The following ICA1L variants were observed in gnomAD, a reference collection of about 807,000 sequenced individuals.
The protein encoded by ICA1L is islet cell autoantigen 1-like protein.
In ICA1L, 50 loss-of-function variants were observed where a neutral mutation model predicts 61.3. That is an observed-to-expected ratio of 0.82 (90% CI 0.65 to 1.03). The LOEUF (loss-of-function observed/expected upper bound fraction) is 1.03. ICA1L is among the 50% of genes least tolerant of loss of function. The pLI is 0.00. For synonymous variants in ICA1L, 161 were observed against 191.3 expected, an observed-to-expected ratio of 0.84 and a Z score of 1.31; for missense variants, 508 against 556.7, an observed-to-expected ratio of 0.91 and a Z score of 0.88.
intron 1 of ICA1L, among the ~76,000 whole-genome samples, chr2:202,861,601 T>C (rs529538428): frequency 3.3e-5 from 5 of 151,062 alleles, no homozygotes; most frequent in Admixed American, 2.0e-4. Flanking sequence ...TTTTAAAAAG[T>C]GAAGGCCAGG....
intron 9 of ICA1L, among the ~76,000 whole-genome samples, chr2:202,803,771 G>A (rs529039949): frequency 1.8e-4 from 27 of 152,158 alleles, no homozygotes; most frequent in Admixed American, 3.9e-4. Context: ...CAGGCCATCC[G>A]CCTGCCTGAG....
chr2:202,819,351 T>C (rs1235731779), intron 5 of ICA1L, among the ~76,000 whole-genome samples: 1 of 152,220 alleles, frequency 6.6e-6, no homozygotes, highest in Non-Finnish European at 1.5e-5. Flanking sequence ...TTAACAATCA[T>C]TTTACATGAA....
chr2:202,863,071 C>G, intron 1 of ICA1L, among the ~76,000 whole-genome samples: 1 of 151,614 alleles, frequency 6.6e-6, no homozygotes, highest in Admixed American at 6.6e-5. Context: ...GCAGGCAGAT[C>G]ACTTGAGGTC....
At chr2:202,836,138 T>C (rs961179177) in intron 1 of ICA1L, among the ~76,000 whole-genome samples, 6 of 152,224 alleles carry the variant, frequency 3.9e-5, no homozygotes, top group Non-Finnish European at 8.8e-5. Context: ...CTGAGCATTA[T>C]GTTAGCTACG....
At chr2:202,819,030 T>C (rs1020507032) in intron 5 of ICA1L, among the ~76,000 whole-genome samples, 4 of 152,254 alleles carry the variant, frequency 2.6e-5, no homozygotes, top group Non-Finnish European at 5.9e-5. Flanking sequence ...AGTTGTGGCC[T>C]GAGGCCATGT....
rs1321098108 is a variant in ICA1L at position 202,777,245 on chromosome 2, G to T, written c.*2288C>A. The T allele has an allele frequency of 6.6e-6, 1 of 151,946 alleles. No homozygotes were observed. Among genetic ancestry groups the T allele is most frequent in the Non-Finnish European group, 1.5e-5 (1 of 68,070 alleles). The allele number at this position is 151,946 out of a possible 1,614,324, so 9.4% of individuals were successfully genotyped here. A position where few individuals can be genotyped will look rare whatever the true frequency, so the allele number is the denominator to read the frequency against. On this transcript the variant is annotated 3_prime_UTR_variant, in exon 13 of 13. Transcript: ENST00000358299. ...TTTTTGTATTTTTAGTAGAGACAGG[G>T]TTTCACCATGTTGGCCAGGCTGGTC...
chr2:202,794,393 T>C (rs1692853555), intron 10 of ICA1L, among the ~76,000 whole-genome samples: 1 of 151,342 alleles, frequency 6.6e-6, no homozygotes, highest in East Asian at 1.9e-4. Context: ...TAAAAATTCT[T>C]AAGAAAGTAA....
intron 1 of ICA1L, among the ~76,000 whole-genome samples, chr2:202,864,625 A>ATG (rs1238682382): frequency 3.8e-4 from 52 of 135,410 alleles, no homozygotes; most frequent in African/African-American, 1.3e-3. Context: ...GTGTATATAT[A>ATG]TATGTGTGTG....
intron 1 of ICA1L, among the ~76,000 whole-genome samples, chr2:202,864,203 C>T (rs1687394406): frequency 6.6e-6 from 1 of 152,068 alleles, no homozygotes; most frequent in African/African-American, 2.4e-5. Context: ...TAACTTTGCC[C>T]TCTAAACCAA....
intron 1 of ICA1L, among the ~76,000 whole-genome samples, chr2:202,837,081 A>T (rs1466654902): frequency 6.6e-6 from 1 of 152,032 alleles, no homozygotes. Flanking sequence ...ACCTCAAGTG[A>T]TCCGCCCACC....
intron 3 of ICA1L, among the ~76,000 whole-genome samples, chr2:202,824,495 G>A (rs1246715973): frequency 6.6e-6 from 1 of 152,128 alleles, no homozygotes; most frequent in African/African-American, 2.4e-5. Context: ...TTATTAACTG[G>A]ACAGGGAGTT....
intron 3 of ICA1L, among the ~76,000 whole-genome samples, chr2:202,822,920 C>T (rs892431673): frequency 5.3e-5 from 8 of 152,180 alleles, no homozygotes; most frequent in Non-Finnish European, 8.8e-5. Context: ...TGATCCAGAG[C>T]AGATGGGGTT....
chr2:202,804,369 T>C (rs1297031848), intron 9 of ICA1L, among the ~76,000 whole-genome samples: 2 of 152,230 alleles, frequency 1.3e-5, no homozygotes, highest in Non-Finnish European at 2.9e-5. Context: ...TTCCTCCCTT[T>C]GTTCAGGTGT....
intron 1 of ICA1L, among the ~76,000 whole-genome samples, chr2:202,856,693 C>T (rs958443907): frequency 9.9e-5 from 15 of 152,172 alleles, no homozygotes; most frequent in African/African-American, 3.6e-4. Flanking sequence ...GTCAACTTAT[C>T]TCTGTTTACA....
intron 6 of ICA1L, among the ~76,000 whole-genome samples, chr2:202,817,063 A>G (rs987113848): frequency 2.6e-5 from 4 of 152,198 alleles, no homozygotes; most frequent in Non-Finnish European, 4.4e-5. Context: ...GGGGGCACAG[A>G]ATCTTTGCTT....
chr2:202,797,005 A>C (rs1171066415), intron 9 of ICA1L, 41 bp from the exon 10 acceptor site: 2 of 1,369,998 alleles, frequency 1.5e-6, no homozygotes, highest in Admixed American at 3.8e-5. Flanking sequence ...AACAAGAAGA[A>C]ATTCAGCAAG....
At chr2:202,795,678 C>G (rs1481052910) in intron 10 of ICA1L, among the ~76,000 whole-genome samples, 1 of 151,936 alleles carries the variant, frequency 6.6e-6, no homozygotes, top group African/African-American at 2.4e-5. Flanking sequence ...GAAATACACC[C>G]AAGTAGAAAA....
chr2:202,789,929 A>G (rs1692696685), intron 10 of ICA1L, among the ~76,000 whole-genome samples: 1 of 152,206 alleles, frequency 6.6e-6, no homozygotes. Context: ...GGAGAGAGAC[A>G]TCATAGCCAA....
intron 11 of ICA1L, among the ~76,000 whole-genome samples, 190 bp downstream of exon 11, chr2:202,788,640 G>C (rs1404208313): frequency 1.3e-5 from 2 of 151,880 alleles, no homozygotes; most frequent in African/African-American, 4.8e-5. Flanking sequence ...AACAGCCCTT[G>C]TTTCAGTCTT....
Sources: allele counts gnomAD v4.1 joint callset (sites outside exome capture counted in the v4.1 genomes callset), GRCh38; gene constraint gnomAD v4.1.1; transcripts MANE v1.5; gene names NCBI Gene and HGNC (gene_info 2026-07-23, HGNC 2026-07-21).